FHDC1: variants seen among roughly 807,000 people sequenced by gnomAD.
FHDC1 encodes the protein FH2 domain containing 1, also known as FH2 domain-containing protein 1.
FHDC1 carries 25 observed loss-of-function variants against 52.6 expected under a neutral mutation model. That is an observed-to-expected ratio of 0.48 (90% CI 0.35 to 0.66). FHDC1 has a LOEUF of 0.66. Among genes scored for constraint, FHDC1 ranks in the 30% least tolerant of loss-of-function variants. The pLI is 0.01. For missense variants in FHDC1, 1,459 were observed against 1,452.8 expected (o/e 1.00, Z -0.07); for synonymous variants, 616 against 581.5 (o/e 1.06, Z -0.85).
chr4:152,924,472 A>C, the FHDC1 span, among the ~76,000 whole-genome samples: 6 of 152,202 alleles, frequency 3.9e-5, no homozygotes, highest in African/African-American at 1.2e-4. Context: ...GGGATCTAGA[A>C]CTAGAAATAC....
chr4:152,945,246 A>G (rs993886690), intron 2 of FHDC1, among the ~76,000 whole-genome samples: 1 of 152,202 alleles, frequency 6.6e-6, no homozygotes, highest in Non-Finnish European at 1.5e-5. Flanking sequence ...CTCAACTATG[A>G]TAGAAGCAGA....
In FHDC1 at chr4:152,976,095, C is replaced by A. The variant is rs1740868070; in HGVS notation, c.2804C>A (p.Thr935Lys). 2 of 1,609,806 alleles carry A rather than the reference C, an allele frequency of 1.2e-6. No homozygotes were observed. The highest frequency in any genetic ancestry group is 1.7e-6 in the Non-Finnish European group (2 of 1,178,404). The change falls in exon 12 of 12, where the codon ACA becomes AAA. Residue 935 changes from threonine (T) to lysine (K), a missense_variant. By Grantham distance (78) the Thr-to-Lys change is moderately conservative. Around this residue, in one of 3 missense-constraint regions of FHDC1, gnomAD observed 939 missense variants for 854.5 expected, o/e 1.10. Transcript: ENST00000511601. ...CCCTCCCAGAATCCCCCCAGCAGCA[C>A]AGATACTGTGTGGTCACGCCAGAAC... ...RGPSQNPPSS[T>K]DTVWSRQNSV...
rs749726074 is a variant in FHDC1, at chr4:152,976,163, C to A, written c.2872C>A (p.Pro958Thr). Residue 958 changes from proline (P) to threonine (T), a missense_variant, in exon 12 of 12, where the codon CCG becomes ACG. Transcript: ENST00000511601. ...CACAGGCGCCGAAGAGCAGAGGCTGCCGCGGGGGAGCAGCGGCTCCAGCAG... is the reference window on the plus strand; with the variant it reads ...CACAGGCGCCGAAGAGCAGAGGCTGACGCGGGGGAGCAGCGGCTCCAGCAG... ...ASTGAEEQRLPRGSSGSSSTR... is the reference protein window; with the variant it reads ...ASTGAEEQRLTRGSSGSSSTR... 6.2e-7 allele frequency: 1 copy of A among 1,611,742 alleles called. No individual in the cohort carries two copies. Among genetic ancestry groups the A allele is most frequent in the South Asian group, 1.1e-5 (1 of 90,940 alleles).
intron 9 of FHDC1, among the ~76,000 whole-genome samples, chr4:152,967,400 C>T (rs890250918): frequency 6.6e-6 from 1 of 151,914 alleles, no homozygotes; most frequent in Non-Finnish European, 1.5e-5. Flanking sequence ...GCAATCCAGC[C>T]TGAGTGACAG....
At chr4:152,927,353 C>T in the FHDC1 span, 1 of 714,588 alleles carries the variant, frequency 1.4e-6, no homozygotes, top group Non-Finnish European at 2.5e-6. Flanking sequence ...GTTGTGGTTG[C>T]CAATTGTGAA....
chr4:152,979,492 AGAT>A lies in FHDC1; in HGVS notation c.*2773_*2775del, dbSNP rs1429285720. On this transcript the variant is annotated 3_prime_UTR_variant, in exon 12 of 12. Coordinates refer to ENST00000511601, the MANE Select transcript of FHDC1 (RefSeq NM_001371116.1). ...AACTTCTCTATGCATCTGTGTGAGC[AGAT>A]GATCATTGTATTACCTTTTATCGGT... The A allele has an allele frequency of 6.6e-6, 1 of 152,268 alleles. No individual in the cohort carries two copies. The highest frequency in any genetic ancestry group is 1.5e-5 in the Non-Finnish European group (1 of 68,046). 9.4% of individuals were successfully genotyped at this position (152,268 alleles called of 1,614,324 possible). A position where few individuals can be genotyped will look rare whatever the true frequency, so the allele number is the denominator to read the frequency against.
At chr4:152,914,005 A>T in the FHDC1 span, among the ~76,000 whole-genome samples, 7 of 152,024 alleles carry the variant, frequency 4.6e-5, no homozygotes, top group Non-Finnish European at 7.4e-5. Flanking sequence ...ATTTTAACCA[A>T]ATTTAGGTAT....
the FHDC1 span, among the ~76,000 whole-genome samples, chr4:152,922,467 A>T: frequency 6.6e-6 from 1 of 152,072 alleles, no homozygotes; most frequent in South Asian, 2.1e-4. Context: ...AAACTATTCC[A>T]ATCAATAGAA....
chr4:152,973,586 C>T (rs529545415), intron 11 of FHDC1, among the ~76,000 whole-genome samples: 6 of 152,310 alleles, frequency 3.9e-5, no homozygotes, highest in Non-Finnish European at 7.3e-5. Flanking sequence ...AGCCAGGCAC[C>T]GGCCCCACCA....
chr4:152,918,875 T>G, the FHDC1 span, among the ~76,000 whole-genome samples: 1 of 152,252 alleles, frequency 6.6e-6, no homozygotes, highest in Non-Finnish European at 1.5e-5. Flanking sequence ...GTTTAAATGG[T>G]CATGAGTATT....
At position 152,975,246 on chromosome 4, in the gene FHDC1, C is replaced by T. The variant is rs767224109; in HGVS notation, c.1955C>T (p.Pro652Leu). The T allele has an allele frequency of 3.9e-5, 63 of 1,613,320 alleles. No individual in the cohort carries two copies. The highest frequency in any genetic ancestry group is 1.5e-4 in the African/African-American group (11 of 74,938). The change falls in exon 12 of 12, where the codon CCG (proline) becomes CTG (leucine). Residue 652 changes from proline (P) to leucine (L), a missense_variant. Physicochemically the swap from Pro to Leu is moderately conservative, Grantham distance 98. Coordinates refer to ENST00000511601, the MANE Select transcript of FHDC1 (RefSeq NM_001371116.1). ...VSVLRKRYSE[P>L]VSLGSAQSPP... ...GTCCTCCGAAAGAGGTACAGTGAGC[C>T]GGTGAGCCTGGGCTCAGCACAGTCC...
chr4:152,918,209 A>T, the FHDC1 span, among the ~76,000 whole-genome samples: 1 of 152,236 alleles, frequency 6.6e-6, no homozygotes, highest in Non-Finnish European at 1.5e-5. Context: ...AAGTAGCTTC[A>T]GTCCAAGCCA....
chr4:152,961,853 C>T (rs1740290892), intron 6 of FHDC1, among the ~76,000 whole-genome samples: 1 of 152,148 alleles, frequency 6.6e-6, no homozygotes, highest in African/African-American at 2.4e-5. Flanking sequence ...TCCATACACA[C>T]TATTGCAGCG....
intron 8 of FHDC1, 104 bp downstream of exon 8, chr4:152,963,234 G>A (rs1740339067): frequency 1.0e-6 from 1 of 972,384 alleles, no homozygotes; most frequent in Non-Finnish European, 1.6e-6. Flanking sequence ...TTAGGAAAGG[G>A]CATGGCAAGT....
At chr4:152,942,547 C>T (rs1052646362) in intron 1 of FHDC1, among the ~76,000 whole-genome samples, 1 of 152,182 alleles carries the variant, frequency 6.6e-6, no homozygotes, top group Non-Finnish European at 1.5e-5. Flanking sequence ...GCCTAATGCT[C>T]CAGCAGTTTG....
intron 11 of FHDC1, 44 bp downstream of exon 11, chr4:152,972,585 A>T: frequency 6.4e-7 from 1 of 1,562,198 alleles, no homozygotes. Context: ...TTGGATTTTT[A>T]TTTTCCTTCT....
At chr4:152,926,637 A>T in the FHDC1 span, among the ~76,000 whole-genome samples, 5 of 151,580 alleles carry the variant, frequency 3.3e-5, no homozygotes, top group Middle Eastern at 3.4e-3. Context: ...AGGTAATCTA[A>T]ATAAAAAATC....
At chr4:152,957,934 T>C (rs1740153297) in intron 4 of FHDC1, among the ~76,000 whole-genome samples, 1 of 152,146 alleles carries the variant, frequency 6.6e-6, no homozygotes, top group African/African-American at 2.4e-5. Flanking sequence ...CCACCACGCC[T>C]GACCAGCCCT....
chr4:152,930,020 T>C, the FHDC1 span, among the ~76,000 whole-genome samples: 13 of 152,330 alleles, frequency 8.5e-5, no homozygotes, highest in South Asian at 1.2e-3. Context: ...TGTCCTATGC[T>C]TAGCTGTGTG....
Sources: gnomAD v4.1 joint callset for allele counts (sites outside exome capture counted in the v4.1 genomes callset) on GRCh38, gnomAD v4.1.1 for gene constraint, gnomAD v4.1.1 regional missense constraint, MANE v1.5 for transcripts, NCBI Gene and HGNC (gene_info 2026-07-23, HGNC 2026-07-21) for gene names.